The following CCNYL1 variants were observed in gnomAD, a reference collection of about 807,000 sequenced individuals.
CCNYL1 encodes the protein cyclin-Y-like protein 1.
CCNYL1 carries 16 observed loss-of-function variants against 44.2 expected under a neutral mutation model. That is an observed-to-expected ratio of 0.36 (90% CI 0.25 to 0.55). The LOEUF (loss-of-function observed/expected upper bound fraction) is 0.55, where lower values mean the gene tolerates loss of function less well. CCNYL1 is among the 20% of genes least tolerant of loss of function. The pLI is 0.85. For missense variants in CCNYL1, 348 were observed against 451.8 expected (o/e 0.77, Z 2.08); for synonymous variants, 159 against 163.2 (o/e 0.97, Z 0.20).
chr2:207,742,637 T>C (rs1438458669), intron 7 of CCNYL1, among the ~76,000 whole-genome samples: 1 of 152,062 alleles, frequency 6.6e-6, no homozygotes, highest in Non-Finnish European at 1.5e-5. Context: ...ATACAAGGCA[T>C]GGTGGCAGGG....
intron 7 of CCNYL1, among the ~76,000 whole-genome samples, chr2:207,742,631 A>C (rs1051817013): frequency 6.6e-6 from 1 of 152,118 alleles, no homozygotes; most frequent in African/African-American, 2.4e-5. Context: ...GTACACATAC[A>C]AGGCATGGTG....
chr2:207,728,876 A>C (rs956151683), intron 3 of CCNYL1, among the ~76,000 whole-genome samples: 4 of 151,930 alleles, frequency 2.6e-5, no homozygotes, highest in Non-Finnish European at 5.9e-5. Flanking sequence ...AGCTCACTGC[A>C]ATCCCCACCT....
intron 6 of CCNYL1, among the ~76,000 whole-genome samples, chr2:207,741,145 C>T (rs1446022563): frequency 1.3e-5 from 2 of 152,078 alleles, no homozygotes; most frequent in East Asian, 3.9e-4. Flanking sequence ...GTCCCAGCTA[C>T]TTGGGAGGCT....
chr2:207,720,702 A>G (rs2091633897), intron 1 of CCNYL1, among the ~76,000 whole-genome samples: 1 of 152,172 alleles, frequency 6.6e-6, no homozygotes, highest in East Asian at 1.9e-4. Flanking sequence ...GGTGTGAGTC[A>G]CTGCACTCCA....
chr2:207,729,303 CTAGT>C (rs1174462804), intron 3 of CCNYL1, among the ~76,000 whole-genome samples: 2 of 134,066 alleles, frequency 1.5e-5, no homozygotes, highest in Non-Finnish European at 3.1e-5. Context: ...CTCCCATTTT[CTAGT>C]TAGTCTTTTG....
At chr2:207,724,289 A>T (rs1391382738) in intron 1 of CCNYL1, among the ~76,000 whole-genome samples, 1 of 152,208 alleles carries the variant, frequency 6.6e-6, no homozygotes, top group Non-Finnish European at 1.5e-5. Context: ...ACCACAGCTA[A>T]CTAAATTAGT....
intron 3 of CCNYL1, among the ~76,000 whole-genome samples, chr2:207,731,174 C>CT (rs1381876976): frequency 0.017 from 2,458 of 144,138 alleles, 56 homozygotes; most frequent in African/African-American, 0.056. Flanking sequence ...GTCATTAATT[C>CT]TTTTTTTTTT....
At position 207,740,525 on chromosome 2, in the gene CCNYL1, C is replaced by T. The variant is rs377470018; in HGVS notation, c.468-130C>T. ...CTGGCATCCCGGAGAAGAATTTGTA[C>T]AACTCTTTGCTTTGGTGAAGCAAAC... On this transcript the variant is annotated intron_variant, in intron 5 of 9. Transcript: ENST00000295414. The T allele has an allele frequency of 9.4e-5, 64 of 678,442 alleles. 1 individual carries two copies. In the East Asian group the frequency reaches 1.3e-3, roughly 14 times the overall value. 42.0% of individuals were successfully genotyped at this position (678,442 alleles called of 1,614,324 possible).
intron 1 of CCNYL1, 98 bp downstream of exon 1, chr2:207,712,214 C>T: frequency 9.9e-7 from 1 of 1,011,922 alleles, no homozygotes; most frequent in Non-Finnish European, 1.4e-6. Context: ...GGGCTCCTTC[C>T]TGCCGGTAGC....
intron 8 of CCNYL1, among the ~76,000 whole-genome samples, 182 bp downstream of exon 8, chr2:207,747,395 A>C (rs2091861760): frequency 6.6e-6 from 1 of 152,226 alleles, no homozygotes; most frequent in Admixed American, 6.5e-5. Context: ...TCTCAAAAAA[A>C]AAAAAACTAA....
rs576727953 is a variant in CCNYL1 at position 207,751,573 on chromosome 2, G to A, written c.969+454G>A. ...TGTCCCTACTAAAAATACACACACAGGCCGGGCGCGGTGGCTTACGCCTGT... is the reference window on the plus strand; with the variant it reads ...TGTCCCTACTAAAAATACACACACAAGCCGGGCGCGGTGGCTTACGCCTGT... On this transcript the variant is annotated intron_variant, in intron 9 of 9. Coordinates refer to ENST00000295414, the MANE Select transcript of CCNYL1 (RefSeq NM_001330218.2). 1.1e-3 allele frequency among the ~76,000 whole-genome samples: 161 copies of A among 152,110 alleles called. 1 individual carries two copies. The highest frequency in any genetic ancestry group is 3.5e-3 in the African/African-American group (145 of 41,502).
intron 1 of CCNYL1, chr2:207,714,310 C>CTT: frequency 5.5e-6 from 2 of 363,526 alleles, no homozygotes; most frequent in South Asian, 2.0e-5. Context: ...ACACTTACAT[C>CTT]TCTTTTTTTT....
intron 1 of CCNYL1, among the ~76,000 whole-genome samples, chr2:207,716,254 G>A (rs1303654930): frequency 6.6e-6 from 1 of 151,946 alleles, no homozygotes. Flanking sequence ...GATGGGTGAA[G>A]GTAGGGAAAG....
intron 6 of CCNYL1, 48 bp from the exon 7 acceptor site, chr2:207,742,175 A>C: frequency 3.2e-6 from 5 of 1,549,880 alleles, no homozygotes; most frequent in South Asian, 1.2e-5. Context: ...AAAAGCTTAA[A>C]ATTTTTTTCT....
intron 3 of CCNYL1, among the ~76,000 whole-genome samples, chr2:207,727,343 A>G (rs1328793993): frequency 6.6e-6 from 1 of 151,984 alleles, no homozygotes; most frequent in African/African-American, 2.4e-5. Context: ...CATTGTTATG[A>G]TTATACAGAT....
chr2:207,736,266 A>G (rs943621641), intron 4 of CCNYL1, among the ~76,000 whole-genome samples: 2 of 152,244 alleles, frequency 1.3e-5, no homozygotes, highest in African/African-American at 4.8e-5. Context: ...ACTTTTTAAA[A>G]AAGTGCTAAC....
intron 7 of CCNYL1, among the ~76,000 whole-genome samples, chr2:207,744,998 G>A (rs1164338605): frequency 1.3e-5 from 2 of 152,282 alleles, no homozygotes; most frequent in East Asian, 3.9e-4. Context: ...GGAAGACTTG[G>A]GGAGTGGAGC....
intron 5 of CCNYL1, among the ~76,000 whole-genome samples, chr2:207,738,791 C>T (rs1677826599): frequency 6.6e-6 from 1 of 151,960 alleles, no homozygotes; most frequent in Non-Finnish European, 1.5e-5. Flanking sequence ...GCAGTCTCAG[C>T]TCACTGCAAC....
At chr2:207,729,406 A>G (rs1275780046) in intron 3 of CCNYL1, among the ~76,000 whole-genome samples, 2 of 151,734 alleles carry the variant, frequency 1.3e-5, no homozygotes, top group Admixed American at 6.6e-5. Flanking sequence ...AATTTTTTTA[A>G]GTTTTCATTT....
Sources: gnomAD v4.1 joint callset for allele counts (sites outside exome capture counted in the v4.1 genomes callset) on GRCh38, gnomAD v4.1.1 for gene constraint, MANE v1.5 for transcripts, NCBI Gene and HGNC (gene_info 2026-07-23, HGNC 2026-07-21) for gene names.